OXR1: variants seen among roughly 807,000 people sequenced by gnomAD.
OXR1 encodes oxidation resistance protein 1.
OXR1 carries 41 observed loss-of-function variants against 104.6 expected under a neutral mutation model. That is an observed-to-expected ratio of 0.39 (90% CI 0.31 to 0.51). The LOEUF (loss-of-function observed/expected upper bound fraction) is 0.51, where lower values mean the gene tolerates loss of function less well. Among genes scored for constraint, OXR1 ranks in the 20% least tolerant of loss-of-function variants. The pLI, the probability that OXR1 is intolerant of heterozygous loss-of-function variation, is 0.77. For synonymous variants in OXR1, 348 were observed against 348.4 expected (o/e 1.00, Z 0.01); for missense variants, 955 against 1,031.9 (o/e 0.93, Z 1.02).
Position 106,368,049 on chromosome 8 carries a change from T to C in OXR1, c.23+8413T>C, listed in dbSNP as rs75122240. 1.7e-3 allele frequency among the ~76,000 whole-genome samples: 254 copies of C among 152,254 alleles called. 1 individual carries two copies. Among genetic ancestry groups the C allele is most frequent in the African/African-American group, 5.8e-3 (242 of 41,536 alleles). On this transcript the variant is annotated intron_variant, in intron 2 of 16. Coordinates refer to ENST00000517566, the MANE Select transcript of OXR1 (RefSeq NM_001198533.2). ...GTGTTCTAAATGTGATGGGAAATTT[T>C]GCCCTCCCTTACTAGGTTACAGGTG...
intron 1 of OXR1, among the ~76,000 whole-genome samples, chr8:106,283,867 A>T (rs1262598039): frequency 6.6e-6 from 1 of 152,152 alleles, no homozygotes; most frequent in Non-Finnish European, 1.5e-5. Context: ...AGTTACTAAA[A>T]TGCTCTTACT....
At position 106,692,293 on chromosome 8, in the gene OXR1, G is replaced by A. The variant is rs575100201; in HGVS notation, c.526-435G>A. On this transcript the variant is annotated intron_variant, in intron 6 of 16. Transcript: ENST00000517566. ...GCTGTATGCTTAGGTACTAAGGTAA[G>A]CTTTCCACCTTTTTACTGCTCCCAG... is the stretch of plus-strand genomic sequence containing the variant. Among the ~76,000 whole-genome samples the A allele has an allele frequency of 2.0e-5, 3 of 152,018 alleles. No individual in the cohort carries two copies. The East Asian group carries it at 5.8e-4, about 30-fold the overall frequency.
chr8:106,563,761 C>A (rs9650018), intron 3 of OXR1, among the ~76,000 whole-genome samples: 75,992 of 151,900 alleles, frequency 0.5, 19,211 homozygotes, highest in African/African-American at 0.53. Flanking sequence ...TCAGCAAATG[C>A]AAAAGAACAG....
At chr8:106,447,495 C>A (rs1820058353) in intron 2 of OXR1, among the ~76,000 whole-genome samples, 1 of 152,028 alleles carries the variant, frequency 6.6e-6, no homozygotes, top group East Asian at 1.9e-4. Context: ...TTATTCTGAT[C>A]GATGGAAATA....
chr8:106,572,898 G>A (rs1817575941), intron 3 of OXR1, among the ~76,000 whole-genome samples: 1 of 152,056 alleles, frequency 6.6e-6, no homozygotes, highest in African/African-American at 2.4e-5. Context: ...AATTATGAAG[G>A]CTGAGAACTC....
intron 4 of OXR1, among the ~76,000 whole-genome samples, chr8:106,682,703 C>G (rs748398726): frequency 6.6e-6 from 1 of 151,980 alleles, no homozygotes; most frequent in Admixed American, 6.6e-5. Context: ...ATCATGGAAA[C>G]GTACGAATGA....
chr8:106,626,579 G>T (rs1822182238), intron 3 of OXR1, among the ~76,000 whole-genome samples: 1 of 138,530 alleles, frequency 7.2e-6, no homozygotes, highest in African/African-American at 2.7e-5. Context: ...CTTAAAAGTA[G>T]CTCATTTTCT....
intron 2 of OXR1, among the ~76,000 whole-genome samples, chr8:106,470,107 G>T (rs187328981): frequency 4.6e-5 from 7 of 151,906 alleles, no homozygotes; most frequent in Admixed American, 1.3e-4. Context: ...AGTCAGTGAG[G>T]TAATGGAGTT....
chr8:106,401,234 A>T (rs897750448), intron 2 of OXR1, among the ~76,000 whole-genome samples: 8 of 151,500 alleles, frequency 5.3e-5, no homozygotes, highest in African/African-American at 1.9e-4. Flanking sequence ...GTCCCTTACC[A>T]CTCTACTTCA....
intron 2 of OXR1, among the ~76,000 whole-genome samples, chr8:106,471,539 T>C (rs949102798): frequency 6.6e-6 from 1 of 151,768 alleles, no homozygotes; most frequent in Non-Finnish European, 1.5e-5. Context: ...GTGTATTGCA[T>C]GCGATAGACT....
chr8:106,276,064 C>G (rs996375206), intron 1 of OXR1, among the ~76,000 whole-genome samples: 1 of 152,050 alleles, frequency 6.6e-6, no homozygotes, highest in Non-Finnish European at 1.5e-5. Flanking sequence ...TTATGTGATG[C>G]CGTTTGGAAT....
At chr8:106,421,477 G>A (rs954883891) in intron 2 of OXR1, among the ~76,000 whole-genome samples, 19 of 152,158 alleles carry the variant, frequency 1.2e-4, no homozygotes, top group African/African-American at 4.6e-4. Flanking sequence ...TAGCTGCAGG[G>A]TGGAGAGGCA....
At chr8:106,578,942 C>T (rs1818038422) in intron 3 of OXR1, among the ~76,000 whole-genome samples, 1 of 150,394 alleles carries the variant, frequency 6.6e-6, no homozygotes, top group Non-Finnish European at 1.5e-5. Context: ...GCTATAGTGG[C>T]ATCTTTGACT....
chr8:106,719,568 T>G (rs903834514), intron 11 of OXR1, among the ~76,000 whole-genome samples: 5 of 152,156 alleles, frequency 3.3e-5, no homozygotes, highest in Non-Finnish European at 7.3e-5. Context: ...AAATATCTCT[T>G]AAGTCTCTCT....
chr8:106,439,954 T>C (rs1353591493), intron 2 of OXR1, among the ~76,000 whole-genome samples: 1 of 152,142 alleles, frequency 6.6e-6, no homozygotes, highest in Non-Finnish European at 1.5e-5. Flanking sequence ...ATTGACTAGA[T>C]TCTGGATAGC....
At chr8:106,551,813 T>TACAC (rs1554592489) in intron 3 of OXR1, among the ~76,000 whole-genome samples, 1 of 95,976 alleles carries the variant, frequency 1.0e-5, no homozygotes, top group South Asian at 3.2e-4. Flanking sequence ...TATATATATA[T>TACAC]ACACACACAC....
In OXR1 at chr8:106,376,877, G is replaced by T. The variant is rs540070302; in HGVS notation, c.23+17241G>T. ...CCTTCCTGTGGGTTCTCAGCCAGAT[G>T]GGCTACCCATTATGCTTTTGGACTC... On this transcript the variant is annotated intron_variant, in intron 2 of 16. Transcript: ENST00000517566. 6.6e-5 allele frequency among the ~76,000 whole-genome samples: 10 copies of T among 152,272 alleles called. No homozygotes were observed. In the South Asian group the frequency reaches 2.1e-3, roughly 32 times the overall value.
At chr8:106,362,234 A>G (rs372510621) in intron 2 of OXR1, among the ~76,000 whole-genome samples, 5 of 152,180 alleles carry the variant, frequency 3.3e-5, no homozygotes, top group African/African-American at 1.2e-4. Flanking sequence ...ATCTGTGAAC[A>G]GTGTAGTCTG....
chr8:106,515,805 A>C (rs1048375520), intron 2 of OXR1, among the ~76,000 whole-genome samples: 1 of 152,156 alleles, frequency 6.6e-6, no homozygotes, highest in African/African-American at 2.4e-5. Flanking sequence ...AGATAAAGCT[A>C]TACAGTGTAA....
Sources: gnomAD v4.1 joint callset for allele counts (sites outside exome capture counted in the v4.1 genomes callset) on GRCh38, gnomAD v4.1.1 for gene constraint, MANE v1.5 for transcripts, NCBI Gene and HGNC (gene_info 2026-07-23, HGNC 2026-07-21) for gene names.